Variants in PXDNL observed in about 807,000 individuals in gnomAD.
PXDNL encodes peroxidasin like.
In PXDNL, 145 loss-of-function variants were observed where a neutral mutation model predicts 150.8. The observed-to-expected ratio is 0.96, with a 90% CI of 0.84 to 1.10. The LOEUF (loss-of-function observed/expected upper bound fraction) is 1.10. PXDNL is among the 50% of genes least tolerant of loss of function. PXDNL has a pLI of 0.00. For synonymous variants in PXDNL, 757 were observed against 725.7 expected, an observed-to-expected ratio of 1.04 and a Z score of -0.69; for missense variants, 2,087 against 1,873.9, an observed-to-expected ratio of 1.11 and a Z score of -2.10.
At chr8:51,361,937 C>CAAAAAAAAAAAAAAAAAAAAAAAAA (rs57092440) in intron 19 of PXDNL, among the ~76,000 whole-genome samples, 27 of 58,056 alleles carry the variant, frequency 4.7e-4, no homozygotes, top group African/African-American at 1.1e-3. Flanking sequence ...GATTCCATCT[C>CAAAAAAAAAAAAAAAAAAAAAAAAA]AAAAAAAAAA....
intron 1 of PXDNL, among the ~76,000 whole-genome samples, chr8:51,666,464 A>T (rs1291879834): frequency 1.3e-5 from 2 of 152,136 alleles, no homozygotes. Flanking sequence ...ACATATATAC[A>T]TGCATATATC....
intron 17 of PXDNL, among the ~76,000 whole-genome samples, chr8:51,380,473 TTAATAAC>T (rs1198389286): frequency 6.6e-6 from 1 of 151,256 alleles, no homozygotes; most frequent in Non-Finnish European, 1.5e-5. Context: ...TCTCCACTCT[TTAATAAC>T]TATCTGTAAG....
intron 6 of PXDNL, 151 bp downstream of exon 6, chr8:51,483,492 C>T: frequency 1.5e-6 from 1 of 653,928 alleles, no homozygotes. Context: ...CTCTATCGCT[C>T]TGCAGTTAAC....
At chr8:51,446,941 G>A (rs1809689902) in intron 12 of PXDNL, 63 bp downstream of exon 12, 10 of 1,436,634 alleles carry the variant, frequency 7.0e-6, no homozygotes, top group South Asian at 3.6e-5. Context: ...CCTGTCAGGT[G>A]TGTTAAAGAC....
At chr8:51,782,153 C>T (rs1478153462) in intron 1 of PXDNL, among the ~76,000 whole-genome samples, 2 of 152,148 alleles carry the variant, frequency 1.3e-5, no homozygotes, top group South Asian at 2.1e-4. Flanking sequence ...CCACAGCCTC[C>T]GGGGGCTGGA....
At chr8:51,385,325 C>T (rs1807666635) in intron 17 of PXDNL, among the ~76,000 whole-genome samples, 1 of 148,922 alleles carries the variant, frequency 6.7e-6, no homozygotes, top group Admixed American at 6.7e-5. Flanking sequence ...AGAAAAATAG[C>T]TAAAAAGGAA....
At chr8:51,572,729 A>C (rs77058506) in intron 3 of PXDNL, among the ~76,000 whole-genome samples, 6,633 of 151,928 alleles carry the variant, frequency 0.044, 319 homozygotes, top group African/African-American at 0.12. Flanking sequence ...ATATGTCTTA[A>C]CACATTTTAA....
intron 1 of PXDNL, among the ~76,000 whole-genome samples, chr8:51,748,005 C>T (rs2037005396): frequency 1.3e-5 from 2 of 152,124 alleles, no homozygotes; most frequent in South Asian, 4.2e-4. Flanking sequence ...ATAACAGTAC[C>T]TCTATAAGTA....
chr8:51,652,427 T>C (rs1815059956), intron 2 of PXDNL, among the ~76,000 whole-genome samples: 1 of 142,346 alleles, frequency 7.0e-6, no homozygotes, highest in Non-Finnish European at 1.5e-5. Context: ...TCTCTGTCTC[T>C]CTCTCTCTCT....
chr8:51,425,701 G>A (rs1214518217), intron 13 of PXDNL, among the ~76,000 whole-genome samples: 3 of 151,886 alleles, frequency 2.0e-5, no homozygotes, highest in Non-Finnish European at 4.4e-5. Context: ...GGCGCCTGTA[G>A]TCCCAGCTAC....
chr8:51,587,141 T>C (rs981559640), intron 3 of PXDNL, among the ~76,000 whole-genome samples: 10 of 152,194 alleles, frequency 6.6e-5, no homozygotes, highest in Non-Finnish European at 1.2e-4. Flanking sequence ...GATGTCAAGA[T>C]GTTTCTGAAT....
intron 17 of PXDNL, among the ~76,000 whole-genome samples, chr8:51,387,187 C>T (rs1807743432): frequency 6.6e-6 from 1 of 152,086 alleles, no homozygotes. Context: ...TACAATTCTC[C>T]CTTTTAGACA....
chr8:51,409,204 C>A lies in PXDNL; in HGVS notation c.2420G>T (p.Gly807Val). ...HSYTRMLMHW[G>V]WFLEHDLDHT... ...GTCCAAGTCGTGCTCTAGAAACCAG[C>A]CCCAGTGCATGAGCATGCGCGTGTA... Residue 807 changes from glycine (G) to valine (V), a missense_variant, in exon 17 of 23, where the codon GGC becomes GTC. Physicochemically the swap from Gly to Val is moderately radical, Grantham distance 109 (BLOSUM62 -3). Transcript: ENST00000356297. The A allele has an allele frequency of 1.3e-6, 2 of 1,584,848 alleles. No homozygotes were observed. The highest frequency in any genetic ancestry group is 2.3e-5 in the East Asian group (1 of 43,896).
At chr8:51,528,015 G>A (rs1441605773) in intron 4 of PXDNL, among the ~76,000 whole-genome samples, 2 of 152,110 alleles carry the variant, frequency 1.3e-5, no homozygotes, top group African/African-American at 4.8e-5. Flanking sequence ...AGTAGTTTGT[G>A]TGTAAGATAA....
At chr8:51,391,625 A>G (rs1476623312) in intron 17 of PXDNL, among the ~76,000 whole-genome samples, 1 of 151,952 alleles carries the variant, frequency 6.6e-6, no homozygotes, top group Non-Finnish European at 1.5e-5. Flanking sequence ...TTCATTGTAG[A>G]TTCTGGATAT....
intron 1 of PXDNL, among the ~76,000 whole-genome samples, chr8:51,771,430 C>A (rs1410852161): frequency 6.6e-6 from 1 of 152,116 alleles, no homozygotes; most frequent in East Asian, 1.9e-4. Flanking sequence ...CACAGTCTAC[C>A]CACTGTAATC....
intron 4 of PXDNL, among the ~76,000 whole-genome samples, chr8:51,506,285 A>G (rs890969585): frequency 3.9e-5 from 6 of 152,154 alleles, no homozygotes; most frequent in South Asian, 2.1e-4. Flanking sequence ...GCTCACGCCT[A>G]TAATCCCAGC....
At chr8:51,447,298 C>G (rs1481848490) in intron 11 of PXDNL, 136 bp from the exon 12 acceptor site, 1 of 762,468 alleles carries the variant, frequency 1.3e-6, no homozygotes, top group African/African-American at 1.8e-5. Context: ...TGCGTTGTGC[C>G]CTAGGATTGC....
At chr8:51,664,049 T>TAAA (rs1201076366) in intron 1 of PXDNL, among the ~76,000 whole-genome samples, 1 of 87,828 alleles carries the variant, frequency 1.1e-5, no homozygotes, top group African/African-American at 1.2e-4. Context: ...AGACTCTGTC[T>TAAA]CAAAAAAAAA....
Sources: gnomAD v4.1 joint callset for allele counts (sites outside exome capture counted in the v4.1 genomes callset) on GRCh38, gnomAD v4.1.1 for gene constraint, MANE v1.5 for transcripts, NCBI Gene and HGNC (gene_info 2026-07-23, HGNC 2026-07-21) for gene names.